SLC4A4: variants seen among roughly 807,000 people sequenced by gnomAD.
SLC4A4 encodes electrogenic sodium bicarbonate cotransporter 1.
In SLC4A4, 27 loss-of-function variants were observed where a neutral mutation model predicts 111.5. That is an observed-to-expected ratio of 0.24 (90% confidence interval 0.18 to 0.33). The LOEUF is 0.33. Ranked by LOEUF, SLC4A4 falls within the 10% of genes least tolerant of loss-of-function variation. SLC4A4 has a pLI of 1.00. For missense variants in SLC4A4, 909 were observed against 1,315.5 expected, an observed-to-expected ratio of 0.69 and a Z score of 4.78; for synonymous variants, 443 against 463.4, an observed-to-expected ratio of 0.96 and a Z score of 0.57.
At chr4:71,123,354 A>T (rs1458691078) in intron 2 of SLC4A4, among the ~76,000 whole-genome samples, 1 of 152,244 alleles carries the variant, frequency 6.6e-6, no homozygotes. Flanking sequence ...GAGAAAATGT[A>T]GATTGCTTTC....
At chr4:71,353,195 T>A (rs1729996472) in intron 5 of SLC4A4, among the ~76,000 whole-genome samples, 1 of 152,210 alleles carries the variant, frequency 6.6e-6, no homozygotes, top group South Asian at 2.1e-4. Flanking sequence ...AGCTGTGAAC[T>A]TTTTCTCTAA....
chr4:71,395,862 TCAA>T (rs766235084), intron 6 of SLC4A4, among the ~76,000 whole-genome samples: 6 of 152,242 alleles, frequency 3.9e-5, no homozygotes, highest in Non-Finnish European at 8.8e-5. Context: ...TAAGCTATTT[TCAA>T]CATGATTAGG....
At chr4:71,193,778 C>A (rs1817143) in intron 1 of SLC4A4, among the ~76,000 whole-genome samples, 18,247 of 152,118 alleles carry the variant, frequency 0.12, 1,777 homozygotes, top group African/African-American at 0.25. Context: ...TATCCAGTAT[C>A]TTTTCCCAAG....
intron 21 of SLC4A4, 133 bp from the exon 22 acceptor site, chr4:71,557,579 T>G: frequency 1.2e-6 from 1 of 846,354 alleles, no homozygotes. Flanking sequence ...CTGCATTCCT[T>G]GACCATTCCT....
rs1013311348 is a variant in SLC4A4, at chr4:71,424,782, A to G, written c.808-15834A>G. On this transcript the variant is annotated intron_variant, in intron 7 of 25. Coordinates refer to ENST00000264485, the MANE Select transcript of SLC4A4 (RefSeq NM_001098484.3). ...CGCATATTCTCACTCATAGGTGGGA[A>G]TTGAACAATGAGAACACGTGGACAC... Among the ~76,000 whole-genome samples the G allele has an allele frequency of 4.6e-5, 7 of 152,058 alleles. 1 individual carries two copies. The highest frequency in any genetic ancestry group is 1.0e-4 in the Non-Finnish European group (7 of 67,992).
chr4:71,231,032 A>G (rs1719389435), intron 1 of SLC4A4, among the ~76,000 whole-genome samples: 1 of 152,234 alleles, frequency 6.6e-6, no homozygotes, highest in African/African-American at 2.4e-5. Flanking sequence ...TTTAACCCTG[A>G]AAGCAGATGC....
intron 3 of SLC4A4, among the ~76,000 whole-genome samples, chr4:71,292,999 G>A (rs1199658592): frequency 1.3e-5 from 2 of 150,870 alleles, no homozygotes; most frequent in East Asian, 2.0e-4. Context: ...CTGCCACTGC[G>A]CCCGGCTAAT....
chr4:71,423,881 A>C (rs1304820896), intron 7 of SLC4A4, among the ~76,000 whole-genome samples: 1 of 152,244 alleles, frequency 6.6e-6, no homozygotes, highest in Non-Finnish European at 1.5e-5. Context: ...CTAAAACCAT[A>C]AAAACCCTAG....
At chr4:71,144,142 T>A (rs1474882242) in intron 2 of SLC4A4, among the ~76,000 whole-genome samples, 1 of 152,238 alleles carries the variant, frequency 6.6e-6, no homozygotes, top group African/African-American at 2.4e-5. Flanking sequence ...AAGAAAGGGA[T>A]CCAGTTTCAG....
chr4:71,205,852 T>G (rs185571956), intron 1 of SLC4A4, among the ~76,000 whole-genome samples: 23 of 152,288 alleles, frequency 1.5e-4, no homozygotes, highest in African/African-American at 5.1e-4. Flanking sequence ...TACATTAAAT[T>G]TGGAAAGGTA....
At chr4:71,491,244 C>T (rs959367517) in intron 15 of SLC4A4, among the ~76,000 whole-genome samples, 1 of 151,836 alleles carries the variant, frequency 6.6e-6, no homozygotes, top group Non-Finnish European at 1.5e-5. Flanking sequence ...GGAAAAAACT[C>T]TAAATAAGTA....
intron 14 of SLC4A4, among the ~76,000 whole-genome samples, chr4:71,481,289 G>T (rs1171327635): frequency 6.6e-6 from 1 of 151,716 alleles, no homozygotes; most frequent in African/African-American, 2.4e-5. Flanking sequence ...GTGACCAGTT[G>T]TTGCTTACAC....
intron 14 of SLC4A4, among the ~76,000 whole-genome samples, chr4:71,482,488 G>A (rs527508876): frequency 6.6e-6 from 1 of 151,658 alleles, no homozygotes; most frequent in Admixed American, 6.6e-5. Flanking sequence ...TCCTATTTTA[G>A]TACACCCCTG....
intron 20 of SLC4A4, among the ~76,000 whole-genome samples, chr4:71,553,930 T>C (rs1280419416): frequency 2.0e-5 from 3 of 151,890 alleles, no homozygotes; most frequent in African/African-American, 7.2e-5. Flanking sequence ...ACATTAAAAT[T>C]GTTAGTCTTT....
chr4:71,514,199 C>T (rs372407863), intron 16 of SLC4A4, among the ~76,000 whole-genome samples: 24 of 152,210 alleles, frequency 1.6e-4, no homozygotes, highest in African/African-American at 5.1e-4. Context: ...CCATGTCTCA[C>T]GTCAAATTGT....
intron 16 of SLC4A4, among the ~76,000 whole-genome samples, chr4:71,515,353 C>T (rs1189109423): frequency 6.6e-6 from 1 of 152,016 alleles, no homozygotes; most frequent in Non-Finnish European, 1.5e-5. Flanking sequence ...ATATGATTTT[C>T]ATTTTGTGAA....
intron 3 of SLC4A4, among the ~76,000 whole-genome samples, chr4:71,258,337 A>G (rs1279527197): frequency 3.3e-5 from 5 of 152,168 alleles, no homozygotes; most frequent in African/African-American, 1.2e-4. Flanking sequence ...ACCTCTTCAG[A>G]GAGTCCTTTC....
chr4:71,128,244 A>G (rs1743610288), intron 2 of SLC4A4, among the ~76,000 whole-genome samples: 1 of 152,212 alleles, frequency 6.6e-6, no homozygotes, highest in South Asian at 2.1e-4. Context: ...GGCAGCAGGC[A>G]TAGAGAGTGT....
chr4:71,431,042 C>T (rs575791056), intron 7 of SLC4A4, among the ~76,000 whole-genome samples: 3 of 152,194 alleles, frequency 2.0e-5, no homozygotes, highest in African/African-American at 7.2e-5. Context: ...AACCATCACT[C>T]ATCATTCAAC....
Sources: gnomAD v4.1 joint callset for allele counts (sites outside exome capture counted in the v4.1 genomes callset) on GRCh38, gnomAD v4.1.1 for gene constraint, MANE v1.5 for transcripts, NCBI Gene and HGNC (gene_info 2026-07-23, HGNC 2026-07-21) for gene names.